The following ZCCHC7 variants were observed in gnomAD, a reference collection of about 807,000 sequenced individuals.
ZCCHC7 encodes zinc finger CCHC-type containing 7.
A neutral mutation model predicts 52.0 loss-of-function variants in ZCCHC7; 35 were observed. The observed-to-expected ratio is 0.67, with a 90% confidence interval of 0.51 to 0.89. ZCCHC7 has a LOEUF of 0.89. ZCCHC7 is among the 40% of genes least tolerant of loss of function. ZCCHC7 has a pLI of 0.00. For missense variants in ZCCHC7, 574 were observed against 649.1 expected (o/e 0.88, Z 1.26); for synonymous variants, 217 against 221.5 (o/e 0.98, Z 0.18).
chr9:37,343,523 A>C (rs1327342901), intron 6 of ZCCHC7, among the ~76,000 whole-genome samples: 1 of 152,218 alleles, frequency 6.6e-6, no homozygotes. Context: ...ATAACTTTTG[A>C]ATGAAAAATT....
intron 6 of ZCCHC7, among the ~76,000 whole-genome samples, chr9:37,343,902 A>G (rs998969840): frequency 6.6e-6 from 1 of 152,206 alleles, no homozygotes; most frequent in Admixed American, 6.5e-5. Context: ...AAATTTGTAA[A>G]CTAATATGTG....
At chr9:37,153,180 A>T (rs539927985) in intron 2 of ZCCHC7, among the ~76,000 whole-genome samples, 1 of 150,870 alleles carries the variant, frequency 6.6e-6, no homozygotes, top group South Asian at 2.1e-4. Flanking sequence ...TGATTGATTG[A>T]TTGATTTAGA....
chr9:37,355,431 C>A (rs1403660057), intron 8 of ZCCHC7, among the ~76,000 whole-genome samples: 1 of 152,124 alleles, frequency 6.6e-6, no homozygotes, highest in Non-Finnish European at 1.5e-5. Flanking sequence ...CAAAACAGTT[C>A]TGTATTTTTT....
At chr9:37,350,216 C>T (rs749523955) in intron 7 of ZCCHC7, among the ~76,000 whole-genome samples, 10 of 149,230 alleles carry the variant, frequency 6.7e-5, no homozygotes, top group Admixed American at 1.3e-4. Flanking sequence ...GCAACTTCCA[C>T]CTCCTGGGTT....
chr9:37,208,084 C>T (rs1012624763), intron 2 of ZCCHC7, among the ~76,000 whole-genome samples: 3 of 151,942 alleles, frequency 2.0e-5, no homozygotes, highest in Admixed American at 6.6e-5. Context: ...TTTTTTGTTA[C>T]GGCTTCTGCT....
chr9:37,178,649 A>G (rs1010550269), intron 2 of ZCCHC7, among the ~76,000 whole-genome samples: 1 of 152,214 alleles, frequency 6.6e-6, no homozygotes, highest in Non-Finnish European at 1.5e-5. Flanking sequence ...CACAGTCAAC[A>G]TAATGAGCAG....
intron 2 of ZCCHC7, among the ~76,000 whole-genome samples, chr9:37,169,058 A>G (rs1288963539): frequency 2.0e-5 from 3 of 152,176 alleles, no homozygotes; most frequent in Non-Finnish European, 4.4e-5. Context: ...TCTCCTGACA[A>G]ATTGTTACTG....
At chr9:37,150,207 G>A (rs1254986322) in intron 2 of ZCCHC7, among the ~76,000 whole-genome samples, 1 of 152,148 alleles carries the variant, frequency 6.6e-6, no homozygotes, top group Admixed American at 6.5e-5. Flanking sequence ...ACAGACAAGA[G>A]CTTTAGGACA....
rs1278304468 is a variant in ZCCHC7 at position 37,155,355 on chromosome 9, C to CAA, written c.610+28424_610+28425dup. Among the ~76,000 whole-genome samples, 454 of 108,988 alleles carry CAA rather than the reference C, an allele frequency of 4.2e-3. 2 individuals carry two copies. Among genetic ancestry groups the CAA allele is most frequent in the Non-Finnish European group, 6.6e-3 (343 of 51,916 alleles). 71.5% of individuals were successfully genotyped at this position (108,988 alleles called of 152,430 possible). ...CTGGTGACAGAGCGAGACTCCGTCT[C>CAA]AAAAAAAAAAAACGGCAATTAAGAT... On this transcript the variant is annotated intron_variant, in intron 2 of 8. Transcript: ENST00000336755.
intron 6 of ZCCHC7, among the ~76,000 whole-genome samples, chr9:37,334,812 C>CA (rs893640360): frequency 6.6e-6 from 1 of 151,564 alleles, no homozygotes; most frequent in African/African-American, 2.4e-5. Context: ...AAGCATTTAA[C>CA]AAAAAAAAGT....
intron 2 of ZCCHC7, among the ~76,000 whole-genome samples, chr9:37,223,708 C>T (rs896995520): frequency 2.0e-5 from 3 of 152,036 alleles, no homozygotes; most frequent in African/African-American, 7.2e-5. Flanking sequence ...GTTTCACTTA[C>T]AGGAATTTGT....
chr9:37,291,660 TAC>T (rs751323726), intron 2 of ZCCHC7, among the ~76,000 whole-genome samples: 2 of 152,140 alleles, frequency 1.3e-5, no homozygotes, highest in African/African-American at 4.8e-5. Context: ...GAAAATGTTT[TAC>T]AGTTTTTTTG....
chr9:37,193,545 A>G (rs1456512542), intron 2 of ZCCHC7, among the ~76,000 whole-genome samples: 1 of 152,118 alleles, frequency 6.6e-6, no homozygotes, highest in African/African-American at 2.4e-5. Context: ...AACTTTTCCA[A>G]GGGATGTAAG....
chr9:37,145,676 A>G (rs963588600), intron 2 of ZCCHC7, among the ~76,000 whole-genome samples: 1 of 151,966 alleles, frequency 6.6e-6, no homozygotes, highest in Non-Finnish European at 1.5e-5. Context: ...AAATAGGAGC[A>G]TACCCAACTT....
intron 2 of ZCCHC7, among the ~76,000 whole-genome samples, chr9:37,294,950 T>C (rs1486299699): frequency 6.6e-6 from 1 of 152,180 alleles, no homozygotes; most frequent in Non-Finnish European, 1.5e-5. Context: ...CTTCTACTAC[T>C]AGAGGGAATT....
intron 2 of ZCCHC7, among the ~76,000 whole-genome samples, chr9:37,207,151 G>GTCT (rs1354951263): frequency 6.6e-6 from 1 of 152,102 alleles, no homozygotes; most frequent in Non-Finnish European, 1.5e-5. Flanking sequence ...ATACAGTTGT[G>GTCT]TCTTCTTATT....
chr9:37,251,705 C>T (rs140643039), intron 2 of ZCCHC7, among the ~76,000 whole-genome samples: 8 of 152,250 alleles, frequency 5.3e-5, no homozygotes, highest in Non-Finnish European at 1.0e-4. Flanking sequence ...TGCTTGCCGA[C>T]GCAGATGGTC....
chr9:37,219,758 T>C (rs1379895696), intron 2 of ZCCHC7, among the ~76,000 whole-genome samples: 1 of 152,208 alleles, frequency 6.6e-6, no homozygotes, highest in Non-Finnish European at 1.5e-5. Flanking sequence ...AAAGTTTAAA[T>C]TGTGTAAGTC....
At chr9:37,178,737 C>G (rs1822192735) in intron 2 of ZCCHC7, among the ~76,000 whole-genome samples, 1 of 152,138 alleles carries the variant, frequency 6.6e-6, no homozygotes, top group Non-Finnish European at 1.5e-5. Context: ...TTTTGGGTTT[C>G]TGTTAAGAAA....
Sources: allele counts gnomAD v4.1 joint callset (sites outside exome capture counted in the v4.1 genomes callset), GRCh38; gene constraint gnomAD v4.1.1; transcripts MANE v1.5; gene names NCBI Gene and HGNC (gene_info 2026-07-23, HGNC 2026-07-21).